The following LUZP1 variants were observed in gnomAD, a reference collection of about 807,000 sequenced individuals.
LUZP1 encodes the protein leucine zipper protein 1, also known as filamin mechanobinding actin cross-linking protein.
A neutral mutation model predicts 71.3 loss-of-function variants in LUZP1; 25 were observed. The ratio of observed to expected loss-of-function variants is 0.35; its 90% CI spans 0.26 to 0.49. The LOEUF is 0.49. Ranked by LOEUF, LUZP1 falls within the 20% of genes least tolerant of loss-of-function variation. The pLI is 0.99. For missense variants in LUZP1, 1,142 were observed against 1,300.8 expected, an observed-to-expected ratio of 0.88 and a Z score of 1.88; for synonymous variants, 481 against 506.4, an observed-to-expected ratio of 0.95 and a Z score of 0.67.
intron 2 of LUZP1, among the ~76,000 whole-genome samples, chr1:23,145,023 G>C (rs1644331266): frequency 6.6e-6 from 1 of 151,918 alleles, no homozygotes; most frequent in Non-Finnish European, 1.5e-5. Context: ...AGCCTCCCAA[G>C]TAACTGCGAC....
At chr1:23,148,936 C>T (rs1313879216) in intron 2 of LUZP1, among the ~76,000 whole-genome samples, 1 of 151,578 alleles carries the variant, frequency 6.6e-6, no homozygotes, top group African/African-American at 2.4e-5. Flanking sequence ...TTAAAATTAG[C>T]CAGGTGTGGT....
In LUZP1 at chr1:23,162,023, C is replaced by CAA. The variant is rs377371342; in HGVS notation, c.-226+6741_-226+6742dup. On this transcript the variant is annotated intron_variant, in intron 2 of 4. Coordinates refer to ENST00000302291, the Ensembl canonical transcript of LUZP1. ...CCTGGGCGACAGAACGAGACTGTCTCAAAAAAAAAAAAAAAAAAAAAAAAA... is the reference window on the plus strand; with the variant it reads ...CCTGGGCGACAGAACGAGACTGTCTCAAAAAAAAAAAAAAAAAAAAAAAAAAA... 6.0e-3 allele frequency among the ~76,000 whole-genome samples: 358 copies of CAA among 59,510 alleles called. 21 individuals carry two copies. The highest frequency in any genetic ancestry group is 0.019 in the African/African-American group (307 of 16,382). 39.0% of individuals were successfully genotyped at this position (59,510 alleles called of 152,430 possible). A position where few individuals can be genotyped will look rare whatever the true frequency, so the allele number is the denominator to read the frequency against.
At chr1:23,114,571 C>T (rs1160256850) in intron 2 of LUZP1, among the ~76,000 whole-genome samples, 1 of 152,228 alleles carries the variant, frequency 6.6e-6, no homozygotes, top group Non-Finnish European at 1.5e-5. Flanking sequence ...GAGTTCAGAA[C>T]ACTCCAGATA....
chr1:23,127,827 T>C (rs1557662932), intron 2 of LUZP1, among the ~76,000 whole-genome samples: 1 of 152,096 alleles, frequency 6.6e-6, no homozygotes, highest in Non-Finnish European at 1.5e-5. Flanking sequence ...CAGGCCCAAT[T>C]TTAGTTTTAA....
At chr1:23,136,398 C>T (rs1463234237) in intron 2 of LUZP1, among the ~76,000 whole-genome samples, 1 of 151,212 alleles carries the variant, frequency 6.6e-6, no homozygotes, top group Admixed American at 6.6e-5. Context: ...AAACGTAAAA[C>T]AGCATTACAT....
chr1:23,111,858 A>T (rs1379548697), intron 2 of LUZP1, among the ~76,000 whole-genome samples: 1 of 151,220 alleles, frequency 6.6e-6, no homozygotes, highest in Non-Finnish European at 1.5e-5. Flanking sequence ...AACCTCTCCT[A>T]CATAAAAATT....
At chr1:23,102,581 T>C (rs955374825) in intron 3 of LUZP1, among the ~76,000 whole-genome samples, 3 of 152,224 alleles carry the variant, frequency 2.0e-5, no homozygotes, top group African/African-American at 7.2e-5. Flanking sequence ...TACTGAACTC[T>C]GACAATGTAG....
chr1:23,138,714 T>C (rs554630188), intron 2 of LUZP1, among the ~76,000 whole-genome samples: 3 of 135,720 alleles, frequency 2.2e-5, no homozygotes, highest in Non-Finnish European at 3.2e-5. Flanking sequence ...TATATATATA[T>C]AAATGAGGCC....
At chr1:23,115,139 CCTAT>C (rs1487801066) in intron 2 of LUZP1, among the ~76,000 whole-genome samples, 1 of 152,164 alleles carries the variant, frequency 6.6e-6, no homozygotes, top group Admixed American at 6.5e-5. Flanking sequence ...TATTTCAGTA[CCTAT>C]CTATGATAGA....
exon 2 of LUZP1, chr1:23,168,804 T>C (rs1644532218): frequency 6.5e-6 from 1 of 152,946 alleles, no homozygotes; most frequent in Admixed American, 6.5e-5. Context: ...AGCGAAGGGT[T>C]CCGCCGCTCA....
At chr1:23,164,309 C>T (rs1436866414) in intron 2 of LUZP1, among the ~76,000 whole-genome samples, 1 of 152,126 alleles carries the variant, frequency 6.6e-6, no homozygotes, top group East Asian at 1.9e-4. Flanking sequence ...TCCTGGCTAA[C>T]GCGGTGAAAT....
exon 5 of LUZP1, chr1:23,089,015 C>T (rs369405496): frequency 1.7e-5 from 28 of 1,613,968 alleles, no homozygotes; most frequent in Admixed American, 5.0e-5. Context: ...TGTGCAGTTG[C>T]CTGTAGACAC....
chr1:23,091,217 G>T, exon 4 of LUZP1: 1 of 1,611,542 alleles, frequency 6.2e-7, no homozygotes, highest in South Asian at 1.1e-5. Flanking sequence ...TCCAGGCTGC[G>T]ACAGTGATGG....
At chr1:23,114,479 C>A (rs566535048) in intron 2 of LUZP1, among the ~76,000 whole-genome samples, 2 of 152,276 alleles carry the variant, frequency 1.3e-5, no homozygotes, top group East Asian at 3.9e-4. Context: ...ATGTATGAAC[C>A]AACCTAGGTG....
chr1:23,177,855 T>A (rs987166880), upstream of LUZP1: 1 of 152,314 alleles, frequency 6.6e-6, no homozygotes, highest in Non-Finnish European at 1.5e-5. Context: ...GCCGGCTTCC[T>A]GCAGCCGAGG....
intron 1 of LUZP1, among the ~76,000 whole-genome samples, chr1:23,176,931 C>T (rs746968035): frequency 7.2e-5 from 11 of 152,098 alleles, no homozygotes; most frequent in Non-Finnish European, 1.5e-4. Flanking sequence ...ACCCAGGCTG[C>T]AGTGCAGTGA....
intron 2 of LUZP1, among the ~76,000 whole-genome samples, chr1:23,167,462 T>C (rs563848170): frequency 6.6e-6 from 1 of 151,912 alleles, no homozygotes; most frequent in African/African-American, 2.4e-5. Context: ...CCCAAGGTCA[T>C]TCAAGTCAGT....
At chr1:23,158,280 C>G (rs1232832891) in intron 2 of LUZP1, among the ~76,000 whole-genome samples, 2 of 152,094 alleles carry the variant, frequency 1.3e-5, no homozygotes, top group African/African-American at 4.8e-5. Context: ...CTCGGTTCAC[C>G]TTGGTTTGAA....
chr1:23,165,359 CTTT>C (rs113145677), intron 2 of LUZP1, among the ~76,000 whole-genome samples: 1 of 140,686 alleles, frequency 7.1e-6, no homozygotes, highest in African/African-American at 2.6e-5. Flanking sequence ...CTCAATAAAG[CTTT>C]TTTTTTTTTT....
Sources: allele counts gnomAD v4.1 joint callset (sites outside exome capture counted in the v4.1 genomes callset), GRCh38; gene constraint gnomAD v4.1.1; transcripts MANE v1.5; gene names NCBI Gene and HGNC (gene_info 2026-07-23, HGNC 2026-07-21).